The following IL21R variants were observed in gnomAD, a reference collection of about 807,000 sequenced individuals.
IL21R encodes interleukin-21 receptor.
In IL21R, 14 loss-of-function variants were observed where a neutral mutation model predicts 41.3. The observed-to-expected ratio is 0.34, with a 90% CI of 0.22 to 0.53. The LOEUF (loss-of-function observed/expected upper bound fraction) is 0.53, where lower values mean the gene tolerates loss of function less well. Ranked by LOEUF, IL21R falls within the 20% of genes least tolerant of loss-of-function variation. The probability of loss-of-function intolerance (pLI) is 0.94; values close to 1 mark genes in which losing one functional copy is unlikely to be tolerated. For synonymous variants in IL21R, 286 were observed against 287.6 expected (o/e 0.99, Z 0.05); for missense variants, 588 against 681.6 (o/e 0.86, Z 1.53).
chr16:27,422,441 A>G (rs1402260870), intron 1 of IL21R, among the ~76,000 whole-genome samples: 1 of 151,960 alleles, frequency 6.6e-6, no homozygotes, highest in African/African-American at 2.4e-5. Context: ...AATGTCTTCT[A>G]TGTCTCTTTT....
chr16:27,404,665 G>A (rs1053502122), intron 1 of IL21R, among the ~76,000 whole-genome samples: 6 of 152,146 alleles, frequency 3.9e-5, no homozygotes, highest in Non-Finnish European at 5.9e-5. Flanking sequence ...GGGTGCCTGC[G>A]GTTAGATGGG....
At chr16:27,435,469 T>A (rs1274649474) in intron 3 of IL21R, among the ~76,000 whole-genome samples, 1 of 147,890 alleles carries the variant, frequency 6.8e-6, no homozygotes, top group Non-Finnish European at 1.5e-5. Flanking sequence ...ATTTTATTTT[T>A]TTGAGACAGG....
rs2087296215 is a variant in IL21R at position 27,437,611 on chromosome 16, C to T, written c.276C>T (p.Asp92=). ...ATGTATTCCACTTCATGGCCGACGACATTTTCAGTGTCAACATCACAGACC... is the reference window on the plus strand; with the variant it reads ...ATGTATTCCACTTCATGGCCGACGATATTTTCAGTGTCAACATCACAGACC... The part of the protein sequence containing the change: ...HMDVFHFMAD[D]IFSVNITDQS... The change falls in exon 4 of 9, where the codon GAC becomes GAT. Residue 92 remains aspartate (D), a synonymous_variant. Coordinates refer to ENST00000337929, the MANE Select transcript of IL21R (RefSeq NM_181078.3). The T allele has an allele frequency of 6.2e-7, 1 of 1,614,246 alleles. No individual in the cohort carries two copies. Among genetic ancestry groups the T allele is most frequent in the Non-Finnish European group, 8.5e-7 (1 of 1,180,026 alleles).
At chr16:27,424,556 C>T (rs916306306) in intron 1 of IL21R, among the ~76,000 whole-genome samples, 24 of 152,104 alleles carry the variant, frequency 1.6e-4, no homozygotes, top group African/African-American at 4.6e-4. Flanking sequence ...ACTTCAAATT[C>T]GATGACACTT....
intron 4 of IL21R, among the ~76,000 whole-genome samples, chr16:27,437,919 C>T (rs2141296112): frequency 6.6e-6 from 1 of 152,324 alleles, no homozygotes; most frequent in South Asian, 2.1e-4. Context: ...TTGCCTTGGC[C>T]TCCCAAAGTG....
rs1596575349 is a variant in IL21R at position 27,421,982 on chromosome 16, G to A, written c.-16-8074G>A. The stretch of plus-strand genomic sequence containing the variant: ...CTTTCATTTCTTTACCATTAAGTAT[G>A]ATGTTAACTGTAATATTTTTATAGC... On this transcript the variant is annotated intron_variant, in intron 1 of 8. Coordinates refer to ENST00000337929, the MANE Select transcript of IL21R (RefSeq NM_181078.3). 2.0e-5 allele frequency among the ~76,000 whole-genome samples: 3 copies of A among 152,190 alleles called. No homozygotes were observed. The South Asian group carries it at 6.2e-4, about 32-fold the overall frequency.
At chr16:27,444,805 A>ACAACTGAATACCTCC in intron 6 of IL21R, 86 bp downstream of exon 6, 2 of 1,251,252 alleles carry the variant, frequency 1.6e-6, no homozygotes, top group Non-Finnish European at 2.2e-6. Context: ...GCTTTCTGGC[A>ACAACTGAATACCTCC]CAGCTGGGAG....
intron 1 of IL21R, among the ~76,000 whole-genome samples, chr16:27,423,733 C>A (rs1053343195): frequency 1.3e-5 from 2 of 152,038 alleles, no homozygotes; most frequent in African/African-American, 4.8e-5. Flanking sequence ...GACAGTATTG[C>A]GATTTATTTT....
intron 3 of IL21R, among the ~76,000 whole-genome samples, chr16:27,435,684 G>T (rs1222293118): frequency 6.6e-6 from 1 of 151,966 alleles, no homozygotes; most frequent in Non-Finnish European, 1.5e-5. Flanking sequence ...AAACTCCTGG[G>T]CTCAAGCAAT....
intron 5 of IL21R, chr16:27,444,075 G>A (rs2087435674): frequency 1.3e-5 from 2 of 151,942 alleles, no homozygotes; most frequent in East Asian, 2.0e-4. Flanking sequence ...TTCTAGAAAT[G>A]CCTGCTGTTG....
chr16:27,440,259 A>AGAGAGAGAGAGC (rs2087362034), intron 4 of IL21R, among the ~76,000 whole-genome samples: 1 of 135,864 alleles, frequency 7.4e-6, no homozygotes, highest in African/African-American at 3.0e-5. Context: ...AGAGAGAGAG[A>AGAGAGAGAGAGC]GAGAGAGAGA....
Position 27,442,985 on chromosome 16 carries a change from G to A in IL21R, c.376G>A (p.Val126Met), listed in dbSNP as rs374621384. 5.7e-5 allele frequency: 91 copies of A among 1,594,672 alleles called. No homozygotes were observed. Among genetic ancestry groups the A allele is most frequent in the Non-Finnish European group, 7.5e-5 (88 of 1,170,556 alleles). Residue 126 changes from valine (V) to methionine (M), a missense_variant, in exon 5 of 9, where the codon GTG becomes ATG. By Grantham distance (21) the Val-to-Met change is conservative. Transcript: ENST00000337929. ...AGTCAAGCCGGCTCCCCCTTTCAACGTGACTGTGACCTTCTCAGGACAGTA... is the reference window on the plus strand; with the variant it reads ...AGTCAAGCCGGCTCCCCCTTTCAACATGACTGTGACCTTCTCAGGACAGTA... ...ESIKPAPPFNVTVTFSGQYNI... is the reference protein window; with the variant it reads ...ESIKPAPPFNMTVTFSGQYNI...
At chr16:27,447,406 G>C (rs1300187504) in intron 8 of IL21R, among the ~76,000 whole-genome samples, 2 of 152,016 alleles carry the variant, frequency 1.3e-5, no homozygotes, top group Non-Finnish European at 2.9e-5. Flanking sequence ...CTTTGAATCA[G>C]TGGTGGTGGC....
intron 1 of IL21R, among the ~76,000 whole-genome samples, chr16:27,417,511 T>C (rs369554804): frequency 2.0e-5 from 3 of 152,348 alleles, no homozygotes; most frequent in African/African-American, 7.2e-5. Context: ...CTTGGTCATA[T>C]GGAAACAGTC....
intron 2 of IL21R, 39 bp downstream of exon 2, chr16:27,430,159 C>T: frequency 6.3e-7 from 1 of 1,575,594 alleles, no homozygotes. Context: ...GGGGAGGGCC[C>T]CCATCACAGA....
At chr16:27,426,804 T>C (rs1261889913) in intron 1 of IL21R, among the ~76,000 whole-genome samples, 3 of 152,204 alleles carry the variant, frequency 2.0e-5, no homozygotes, top group Non-Finnish European at 2.9e-5. Flanking sequence ...TGGCTTCAAA[T>C]TCTGAGCCCT....
chr16:27,434,500 C>T, intron 3 of IL21R, 51 bp downstream of exon 3: 1 of 1,144,066 alleles, frequency 8.7e-7, no homozygotes, highest in South Asian at 1.3e-5. Context: ...AGGGTGCCTG[C>T]TCAGTGATTC....
intron 2 of IL21R, among the ~76,000 whole-genome samples, chr16:27,432,483 A>C (rs965889350): frequency 1.3e-5 from 2 of 151,754 alleles, no homozygotes; most frequent in Non-Finnish European, 2.9e-5. Context: ...CCCTGGTGCC[A>C]CCTCCCTGCC....
intron 4 of IL21R, among the ~76,000 whole-genome samples, chr16:27,439,248 G>A (rs561105170): frequency 1.3e-5 from 2 of 151,516 alleles, no homozygotes; most frequent in South Asian, 2.1e-4. Flanking sequence ...TCATAGATGC[G>A]CCCTCAAACT....
Sources: allele counts gnomAD v4.1 joint callset (sites outside exome capture counted in the v4.1 genomes callset), GRCh38; gene constraint gnomAD v4.1.1; transcripts MANE v1.5; gene names NCBI Gene and HGNC (gene_info 2026-07-23, HGNC 2026-07-21).